SNX29: variants seen among roughly 807,000 people sequenced by gnomAD.
SNX29 encodes sorting nexin 29.
A neutral mutation model predicts 102.1 loss-of-function variants in SNX29; 78 were observed. The ratio of observed to expected loss-of-function variants is 0.76; its 90% CI spans 0.64 to 0.92. SNX29 has a LOEUF of 0.92. Among genes scored for constraint, SNX29 ranks in the 40% least tolerant of loss-of-function variants. The pLI, the probability that SNX29 is intolerant of heterozygous loss-of-function variation, is 0.00. For synonymous variants in SNX29, 580 were observed against 414.5 expected (o/e 1.40, Z -4.85); for missense variants, 1,280 against 1,061.7 (o/e 1.21, Z -2.86).
chr16:12,551,909 T>C (rs1184771321), intron 20 of SNX29, among the ~76,000 whole-genome samples: 2 of 152,148 alleles, frequency 1.3e-5, no homozygotes, highest in Non-Finnish European at 2.9e-5. Flanking sequence ...GGGATCTCTA[T>C]ACCCTACCAC....
At position 12,279,218 on chromosome 16, in the gene SNX29, TG is replaced by T. The variant is rs145281472; in HGVS notation, c.1782+1183del. Among the ~76,000 whole-genome samples, 399 of 152,340 alleles carry T rather than the reference TG, an allele frequency of 2.6e-3. 2 individuals are homozygous for T. The highest frequency in any genetic ancestry group is 8.8e-3 in the African/African-American group (365 of 41,582). Reference sequence around the variant, plus strand: ...GATAATCAAGAAGACACTCGCTCATTGCTGTGTAGACATACCTGAGCTTGGG... The same window carrying T: ...GATAATCAAGAAGACACTCGCTCATTCTGTGTAGACATACCTGAGCTTGGG... On this transcript the variant is annotated intron_variant, in intron 15 of 20. Coordinates refer to ENST00000566228, the MANE Select transcript of SNX29 (RefSeq NM_032167.5).
At chr16:12,247,229 A>C (rs949825212) in intron 14 of SNX29, among the ~76,000 whole-genome samples, 4 of 152,150 alleles carry the variant, frequency 2.6e-5, no homozygotes, top group Non-Finnish European at 5.9e-5. Context: ...CAAGGGATGG[A>C]GGCTGGCTCT....
chr16:11,984,721 A>G (rs1351836804), intron 1 of SNX29, among the ~76,000 whole-genome samples: 1 of 151,914 alleles, frequency 6.6e-6, no homozygotes, highest in African/African-American at 2.4e-5. Flanking sequence ...TGGTGATACA[A>G]TTATAGCTCA....
rs541368427 is a variant in SNX29, at chr16:12,246,220, G to A, written c.1679-31713G>A. Among the ~76,000 whole-genome samples, 3 of 152,200 alleles carry A rather than the reference G, an allele frequency of 2.0e-5. No individual in the cohort carries two copies. The East Asian group carries it at 5.8e-4, about 29-fold the overall frequency. On this transcript the variant is annotated intron_variant, in intron 14 of 20. Transcript: ENST00000566228. ...AAATAAGGTCTCAGGAAGCAAGAGGGTGCAGCTGACAGGCAGCGCTGCAGG... is the reference window on the plus strand; with the variant it reads ...AAATAAGGTCTCAGGAAGCAAGAGGATGCAGCTGACAGGCAGCGCTGCAGG...
chr16:12,212,807 C>T (rs1290379526), intron 14 of SNX29, among the ~76,000 whole-genome samples: 1 of 152,166 alleles, frequency 6.6e-6, no homozygotes, highest in African/African-American at 2.4e-5. Flanking sequence ...ATGTATACAT[C>T]ATACAATACT....
chr16:11,982,230 T>C (rs1567489610), intron 1 of SNX29, among the ~76,000 whole-genome samples: 1 of 151,660 alleles, frequency 6.6e-6, no homozygotes, highest in Non-Finnish European at 1.5e-5. Flanking sequence ...ATTTGTTTAT[T>C]TTTCTTTAAA....
At chr16:12,191,104 C>G (rs1437319278) in intron 13 of SNX29, among the ~76,000 whole-genome samples, 1 of 152,102 alleles carries the variant, frequency 6.6e-6, no homozygotes, top group Admixed American at 6.5e-5. Flanking sequence ...CATCTCAGAT[C>G]CTCAGACATT....
chr16:12,106,777 C>T (rs369331461), intron 11 of SNX29, among the ~76,000 whole-genome samples: 3 of 151,236 alleles, frequency 2.0e-5, no homozygotes, highest in Non-Finnish European at 1.5e-5. Context: ...CACCATGCCT[C>T]GCCCCTTTTA....
At chr16:12,465,468 G>GCC (rs2087008513) in intron 18 of SNX29, among the ~76,000 whole-genome samples, 1 of 152,092 alleles carries the variant, frequency 6.6e-6, no homozygotes, top group East Asian at 1.9e-4. Context: ...TGAAAAGACA[G>GCC]TCTTTTCCCC....
intron 19 of SNX29, among the ~76,000 whole-genome samples, chr16:12,483,449 C>A (rs995286176): frequency 6.6e-6 from 1 of 151,456 alleles, no homozygotes; most frequent in Non-Finnish European, 1.5e-5. Context: ...TCCTGAGTAG[C>A]TGGGATTACA....
intron 11 of SNX29, chr16:12,081,672 C>T (rs2051889699): frequency 3.1e-5 from 1 of 31,868 alleles, no homozygotes; most frequent in South Asian, 8.7e-4. Flanking sequence ...GACTCTTTGT[C>T]TCAAAAAAAA....
intron 16 of SNX29, among the ~76,000 whole-genome samples, chr16:12,396,603 C>T (rs2083731325): frequency 6.6e-6 from 1 of 152,170 alleles, no homozygotes; most frequent in South Asian, 2.1e-4. Flanking sequence ...ATACTGGCGT[C>T]CTCCACATGG....
At chr16:12,317,096 TC>T (rs1357928933) in intron 15 of SNX29, among the ~76,000 whole-genome samples, 1 of 152,226 alleles carries the variant, frequency 6.6e-6, no homozygotes, top group African/African-American at 2.4e-5. Flanking sequence ...ACAGTGTTTC[TC>T]CCAGAAGTTT....
At position 12,197,121 on chromosome 16, in the gene SNX29, C is replaced by T. The variant is rs147439779; in HGVS notation, c.1596-2480C>T. ...GACATGACTTCTGTTGGTCATGCGG[C>T]CTCTTGGAAAATGTTTTTCCATGAA... On this transcript the variant is annotated intron_variant, in intron 13 of 20. Transcript: ENST00000566228. Among the ~76,000 whole-genome samples the T allele has an allele frequency of 2.7e-3, 413 of 152,290 alleles. 1 individual carries two copies. Among genetic ancestry groups the T allele is most frequent in the Non-Finnish European group, 4.8e-3 (325 of 68,026 alleles).
chr16:12,345,252 A>G (rs1288374438), intron 15 of SNX29, among the ~76,000 whole-genome samples: 2 of 152,232 alleles, frequency 1.3e-5, no homozygotes, highest in Non-Finnish European at 2.9e-5. Context: ...CTCATGTAAC[A>G]GATAGAACAT....
chr16:12,331,467 C>T (rs1263070541), intron 15 of SNX29, among the ~76,000 whole-genome samples: 1 of 152,218 alleles, frequency 6.6e-6, no homozygotes, highest in Non-Finnish European at 1.5e-5. Context: ...GTATCTGACA[C>T]ACTGTGTCAT....
At chr16:12,255,572 C>G (rs1316017258) in intron 14 of SNX29, among the ~76,000 whole-genome samples, 2 of 151,302 alleles carry the variant, frequency 1.3e-5, no homozygotes, top group East Asian at 3.9e-4. Context: ...CTGGTAATCA[C>G]CATTCTGCTC....
intron 20 of SNX29, among the ~76,000 whole-genome samples, chr16:12,559,253 G>A (rs1478693458): frequency 6.6e-6 from 1 of 152,030 alleles, no homozygotes; most frequent in Non-Finnish European, 1.5e-5. Flanking sequence ...ATCACCGCCT[G>A]AGCTCTGCCT....
chr16:12,426,894 G>A (rs1488465091), intron 18 of SNX29, among the ~76,000 whole-genome samples: 2 of 152,148 alleles, frequency 1.3e-5, no homozygotes, highest in Admixed American at 1.3e-4. Context: ...TTGAACTTGT[G>A]ACCTCAAGTG....
Sources: gnomAD v4.1 joint callset for allele counts (sites outside exome capture counted in the v4.1 genomes callset) on GRCh38, gnomAD v4.1.1 for gene constraint, MANE v1.5 for transcripts, NCBI Gene and HGNC (gene_info 2026-07-23, HGNC 2026-07-21) for gene names.